WHAMM: variants seen among roughly 807,000 people sequenced by gnomAD.
WHAMM encodes WASP homolog associated with actin, golgi membranes and microtubules.
Under a neutral mutation model 76.5 loss-of-function variants are expected in WHAMM, and 67 were observed. The observed-to-expected ratio is 0.88, with a 90% CI of 0.72 to 1.07. The LOEUF (loss-of-function observed/expected upper bound fraction) is 1.07, where lower values mean the gene tolerates loss of function less well. Ranked by LOEUF, WHAMM falls within the 50% of genes least tolerant of loss-of-function variation. WHAMM has a pLI of 0.00. For missense variants in WHAMM, 1,021 were observed against 1,051.1 expected (o/e 0.97, Z 0.40); for synonymous variants, 419 against 422.1 (o/e 0.99, Z 0.09).
Position 82,818,072 on chromosome 15 carries a change from G to A in WHAMM, c.1087G>A (p.Ala363Thr), listed in dbSNP as rs1388040279. The change falls in exon 4 of 10, where the codon GCT (alanine) becomes ACT (threonine). Residue 363 changes from alanine (A) to threonine (T), a missense_variant. Coordinates refer to ENST00000286760, the MANE Select transcript of WHAMM (RefSeq NM_001080435.3). ...AGAGTTGTGTTTAAATCACAAAAGA[G>A]CTGAAATTCAGGGAAAGGTAAGACA... ...AKELCLNHKR[A>T]EIQGKMEDLP... 5.7e-5 allele frequency: 89 copies of A among 1,550,082 alleles called. No individual in the cohort carries two copies. The highest frequency in any genetic ancestry group is 7.6e-5 in the Non-Finnish European group (87 of 1,146,476).
At chr15:82,814,380 G>C (rs1213777351) in intron 2 of WHAMM, among the ~76,000 whole-genome samples, 1 of 152,144 alleles carries the variant, frequency 6.6e-6, no homozygotes, top group Non-Finnish European at 1.5e-5. Context: ...TCTAACCTGT[G>C]GATAAAGTTG....
At chr15:82,813,721 C>T (rs2050672117) in intron 2 of WHAMM, among the ~76,000 whole-genome samples, 1 of 120,232 alleles carries the variant, frequency 8.3e-6, no homozygotes, top group South Asian at 2.9e-4. Context: ...AGTGCAGTGG[C>T]ATGATCTTGG....
Position 82,817,955 on chromosome 15 carries a change from T to TG in WHAMM, c.970_971insG (p.Phe324CysfsTer41). 1 of 1,547,098 alleles carries TG rather than the reference T, an allele frequency of 6.5e-7. No individual in the cohort carries two copies. ...AGAAATGGAACAGGATGCGAAGAGA[T>TG]TTGGTCAGGCTGCCTGGGCCACAGC... On this transcript the variant is annotated frameshift_variant, in exon 4 of 10. Transcript: ENST00000286760. LOFTEE classifies it high-confidence loss of function.
At position 82,818,101 on chromosome 15, in the gene WHAMM, A is replaced by G; in HGVS notation, c.1104+12A>G. ...AAATTCAGGGAAAGGTAAGACAAAG[A>G]TAAACATAACTTTGTTTTAAAAATA... On this transcript the variant is annotated intron_variant, in intron 4 of 9. Transcript: ENST00000286760. 6.5e-7 allele frequency: 1 copy of G among 1,533,920 alleles called. No homozygotes were observed. The highest frequency in any genetic ancestry group is 8.8e-7 in the Non-Finnish European group (1 of 1,138,182).
chr15:82,833,085 T>G, intron 9 of WHAMM, 144 bp from the exon 10 acceptor site: 3 of 986,048 alleles, frequency 3.0e-6, no homozygotes, highest in South Asian at 1.7e-5. Context: ...CGTTAGCACG[T>G]AATCAAGGCA....
chr15:82,830,082 C>G (rs1477473151), intron 8 of WHAMM, among the ~76,000 whole-genome samples: 1 of 152,012 alleles, frequency 6.6e-6, no homozygotes, highest in Non-Finnish European at 1.5e-5. Flanking sequence ...TTTCATAGAA[C>G]TTTTCTCATT....
Position 82,810,595 on chromosome 15 carries a change from A to G in WHAMM, c.609+260A>G, listed in dbSNP as rs1027655819. On this transcript the variant is annotated intron_variant, in intron 1 of 9. Coordinates refer to ENST00000286760, the MANE Select transcript of WHAMM (RefSeq NM_001080435.3). Reference sequence around the variant, plus strand: ...AGCTGGGAGCTGGGCTAGGCCCCCAACTTTTGCCCTGAAGATGCTGGCAGA... The same window carrying G: ...AGCTGGGAGCTGGGCTAGGCCCCCAGCTTTTGCCCTGAAGATGCTGGCAGA... The G allele has an allele frequency of 5.1e-6, 5 of 985,322 alleles. No homozygotes were observed. The African/African-American group carries it at 7.0e-5, about 14-fold the overall frequency. 61.0% of individuals were successfully genotyped at this position (985,322 alleles called of 1,614,324 possible).
intron 5 of WHAMM, among the ~76,000 whole-genome samples, chr15:82,822,299 T>C (rs1287998820): frequency 2.6e-5 from 4 of 152,192 alleles, no homozygotes; most frequent in Non-Finnish European, 5.9e-5. Flanking sequence ...GCTAAGGAAG[T>C]GATAAAAAGT....
intron 3 of WHAMM, 114 bp downstream of exon 3, chr15:82,816,956 T>G (rs1212619931): frequency 9.2e-7 from 1 of 1,082,526 alleles, no homozygotes; most frequent in East Asian, 2.7e-5. Flanking sequence ...GTGCTGAGAA[T>G]TCAGTGTCAA....
chr15:82,824,098 C>T (rs2050886188), intron 6 of WHAMM, among the ~76,000 whole-genome samples: 1 of 149,370 alleles, frequency 6.7e-6, no homozygotes, highest in Non-Finnish European at 1.5e-5. Flanking sequence ...GAAAAGGAAG[C>T]TCCTATATAT....
intron 4 of WHAMM, among the ~76,000 whole-genome samples, chr15:82,819,018 C>T (rs1002877711): frequency 2.8e-4 from 43 of 152,224 alleles, no homozygotes; most frequent in Admixed American, 9.2e-4. Flanking sequence ...AAGGACCCAC[C>T]TCCAAATAAC....
At chr15:82,826,350 T>C in intron 6 of WHAMM, 60 bp from the exon 7 acceptor site, 1 of 1,572,498 alleles carries the variant, frequency 6.4e-7, no homozygotes, top group East Asian at 2.2e-5. Flanking sequence ...TCTTTTAATC[T>C]TTTATGCTAT....
chr15:82,823,920 T>TA (rs1455161580), intron 6 of WHAMM, among the ~76,000 whole-genome samples: 1 of 152,136 alleles, frequency 6.6e-6, no homozygotes, highest in African/African-American at 2.4e-5. Context: ...TAGCCAACTA[T>TA]AACAATTCTA....
At chr15:82,825,788 CAAAA>C (rs531453908) in intron 6 of WHAMM, among the ~76,000 whole-genome samples, 5 of 107,586 alleles carry the variant, frequency 4.6e-5, no homozygotes, top group African/African-American at 1.1e-4. Flanking sequence ...AACTCAGTCT[CAAAA>C]AAAAAAAAAA....
In WHAMM at chr15:82,831,509, G is replaced by C. The variant is rs564642982; in HGVS notation, c.2122+430G>C. Among the ~76,000 whole-genome samples the C allele has an allele frequency of 4.6e-5, 7 of 152,274 alleles. No individual in the cohort carries two copies. The South Asian group carries it at 1.5e-3, about 32-fold the overall frequency. On this transcript the variant is annotated intron_variant, in intron 9 of 9. Transcript: ENST00000286760. ...TGTATTTTAAGCAGAATACTGGTTG[G>C]AAATTACTGTAGAGGCATACTAGCC...
chr15:82,810,430 T>G (rs534508214), intron 1 of WHAMM, 95 bp downstream of exon 1: 1 of 1,220,602 alleles, frequency 8.2e-7, no homozygotes, highest in Admixed American at 4.4e-5. Flanking sequence ...GGCTGACGGC[T>G]GACGGGGAGG....
chr15:82,831,085 C>T lies in WHAMM; in HGVS notation c.2122+6C>T. 6.2e-7 allele frequency: 1 copy of T among 1,601,838 alleles called. No homozygotes were observed. The highest frequency in any genetic ancestry group is 8.5e-7 in the Non-Finnish European group (1 of 1,178,400). On this transcript the variant is annotated splice_donor_region_variant and intron_variant, in intron 9 of 9. Transcript: ENST00000286760. Reference sequence around the variant, plus strand: ...GGAAAGTTTTTCATGTCCAGGTAATCCACTGGAATTCTGTCCCTGCTCCCC... The same window carrying T: ...GGAAAGTTTTTCATGTCCAGGTAATTCACTGGAATTCTGTCCCTGCTCCCC...
intron 2 of WHAMM, 92 bp from the exon 3 acceptor site, chr15:82,816,600 A>C (rs2050730248): frequency 1.8e-5 from 23 of 1,244,580 alleles, no homozygotes; most frequent in South Asian, 4.7e-5. Flanking sequence ...AGTGTAGTTA[A>C]ATTAATCCAT....
At chr15:82,820,098 A>G (rs1477606548) in intron 5 of WHAMM, among the ~76,000 whole-genome samples, 2 of 152,184 alleles carry the variant, frequency 1.3e-5, no homozygotes, top group Non-Finnish European at 2.9e-5. Flanking sequence ...ATATGCTGAT[A>G]TATAAAAATA....
Sources: allele counts gnomAD v4.1 joint callset (sites outside exome capture counted in the v4.1 genomes callset), GRCh38; gene constraint gnomAD v4.1.1; transcripts MANE v1.5; gene names NCBI Gene and HGNC (gene_info 2026-07-23, HGNC 2026-07-21).